Variants in C10orf67 observed in about 807,000 individuals in gnomAD.
C10orf67 encodes the protein uncharacterized protein C10orf67, mitochondrial.
C10orf67 carries 60 observed loss-of-function variants against 35.6 expected under a neutral mutation model. The ratio of observed to expected loss-of-function variants is 1.68; its 90% CI spans 1.37 to 2.09. C10orf67 has a LOEUF of 2.09. Ranked by LOEUF, C10orf67 falls within the 30% of genes most tolerant of loss-of-function variation. The probability of loss-of-function intolerance (pLI) is 0.00; values close to 1 mark genes in which losing one functional copy is unlikely to be tolerated. For missense variants in C10orf67, 474 were observed against 330.2 expected (o/e 1.44, Z -3.38); for synonymous variants, 167 against 115.8 (o/e 1.44, Z -2.84).
At chr10:23,269,155 T>A (rs778112807) in intron 8 of C10orf67, among the ~76,000 whole-genome samples, 9 of 152,238 alleles carry the variant, frequency 5.9e-5, no homozygotes, top group Non-Finnish European at 1.3e-4. Context: ...AATATATGAC[T>A]ATTTTGTCTT....
At chr10:23,285,147 A>G (rs1292008328) in intron 7 of C10orf67, among the ~76,000 whole-genome samples, 1 of 152,124 alleles carries the variant, frequency 6.6e-6, no homozygotes, top group East Asian at 1.9e-4. Flanking sequence ...GCCTGGGAGA[A>G]ACAGGAAGGA....
intron 8 of C10orf67, among the ~76,000 whole-genome samples, chr10:23,279,869 TAGAC>T (rs1173021711): frequency 3.3e-5 from 5 of 152,036 alleles, no homozygotes; most frequent in Admixed American, 6.6e-5. Flanking sequence ...TTTTTTTAAA[TAGAC>T]AGTGTCTTGC....
intron 4 of C10orf67, chr10:23,318,296 AT>A: frequency 6.6e-6 from 1 of 152,268 alleles, no homozygotes; most frequent in Non-Finnish European, 1.5e-5. Context: ...CTCCACTCAT[AT>A]TTTTGACTCC....
chr10:23,265,463 ACT>A (rs1842863523), intron 10 of C10orf67, among the ~76,000 whole-genome samples: 2 of 152,182 alleles, frequency 1.3e-5, no homozygotes, highest in South Asian at 2.1e-4. Context: ...CAGTGGAGAG[ACT>A]CTGTGTGAAG....
rs111309109 is a variant in C10orf67, at chr10:23,329,717, T to C, written c.327+3345A>G. ...CAGGAGGCTGAGGTGGGAGGACTGC[T>C]TGATTCCAGGAGTTCAAGGTCACAG... On this transcript the variant is annotated intron_variant, in intron 2 of 15. Coordinates refer to ENST00000636213, the MANE Select transcript of C10orf67 (RefSeq NM_001371909.1). Among the ~76,000 whole-genome samples the C allele has an allele frequency of 2.1e-3, 307 of 146,216 alleles. 1 individual carries two copies. The highest frequency in any genetic ancestry group is 7.3e-3 in the African/African-American group (286 of 39,310).
chr10:23,319,975 A>G (rs1170736481), intron 4 of C10orf67, among the ~76,000 whole-genome samples: 1 of 152,202 alleles, frequency 6.6e-6, no homozygotes, highest in Non-Finnish European at 1.5e-5. Flanking sequence ...TGTCTGCCAC[A>G]GGTACAGGTG....
intron 15 of C10orf67, among the ~76,000 whole-genome samples, chr10:23,207,521 C>A (rs578225071): frequency 6.6e-6 from 1 of 152,212 alleles, no homozygotes; most frequent in East Asian, 1.9e-4. Context: ...CAGCCTTTAA[C>A]GTCTCATCAA....
At chr10:23,339,402 C>CA (rs34805547) in intron 1 of C10orf67, among the ~76,000 whole-genome samples, 30,297 of 72,098 alleles carry the variant, frequency 0.42, 5,240 homozygotes, top group East Asian at 0.76. Context: ...AAAAAGGCAG[C>CA]AAAAAAAAAA....
chr10:23,332,954 G>A (rs952878262), intron 2 of C10orf67, 108 bp downstream of exon 2: 21 of 1,117,322 alleles, frequency 1.9e-5, no homozygotes, highest in Non-Finnish European at 2.6e-5. Context: ...TGTCAAAGAT[G>A]CTAACATTTT....
chr10:23,305,018 A>C lies in C10orf67; in HGVS notation c.547-1559T>G, dbSNP rs549410350. Among the ~76,000 whole-genome samples the C allele has an allele frequency of 1.3e-4, 20 of 152,272 alleles. No homozygotes were observed. The East Asian group carries it at 3.9e-3, about 29-fold the overall frequency. On this transcript the variant is annotated intron_variant, in intron 4 of 15. Transcript: ENST00000636213. ...CTACTCAACTGCAATCCTGGAGGCAATCTTATCAGCTTAGGGACCCAAAAG... is the reference window on the plus strand; with the variant it reads ...CTACTCAACTGCAATCCTGGAGGCACTCTTATCAGCTTAGGGACCCAAAAG...
chr10:23,239,009 T>C (rs1842112174), intron 13 of C10orf67, among the ~76,000 whole-genome samples: 1 of 152,074 alleles, frequency 6.6e-6, no homozygotes, highest in African/African-American at 2.4e-5. Flanking sequence ...AGAAAGAAGA[T>C]GATTTTAGAT....
intron 10 of C10orf67, among the ~76,000 whole-genome samples, chr10:23,252,620 G>A (rs1465515735): frequency 6.6e-6 from 1 of 152,242 alleles, no homozygotes; most frequent in Non-Finnish European, 1.5e-5. Flanking sequence ...GACTTTTTGA[G>A]TGAGGACAGA....
intron 8 of C10orf67, among the ~76,000 whole-genome samples, chr10:23,281,090 T>C (rs1414198037): frequency 2.6e-5 from 4 of 152,204 alleles, no homozygotes; most frequent in East Asian, 1.9e-4. Flanking sequence ...TGTTAACACA[T>C]GGTTTTTGCG....
Position 23,239,736 on chromosome 10 carries a change from T to C in C10orf67, c.1427A>G (p.Asn476Ser). The C allele has an allele frequency of 1.5e-6, 1 of 658,142 alleles. No homozygotes were observed. The highest frequency in any genetic ancestry group is 2.9e-6 in the Non-Finnish European group (1 of 341,502). 40.8% of individuals were successfully genotyped at this position (658,142 alleles called of 1,614,324 possible). A position where few individuals can be genotyped will look rare whatever the true frequency, so the allele number is the denominator to read the frequency against. Residue 476 changes from asparagine to serine, a missense_variant, in exon 13 of 16, where the codon AAT (asparagine) becomes AGT (serine). Physicochemically the swap from Asn to Ser is conservative, Grantham distance 46 (BLOSUM62 1). Coordinates refer to ENST00000636213, the MANE Select transcript of C10orf67 (RefSeq NM_001371909.1). ...QFAVLADTSFNYIKVKPLLVQ... is the reference protein window; with the variant it reads ...QFAVLADTSFSYIKVKPLLVQ... ...AACATTACATGCACTTACAATATAA[T>C]TGAAGGATGTGTCAGCAAGCACTGC...
At chr10:23,206,188 A>G (rs1841154116) in intron 15 of C10orf67, among the ~76,000 whole-genome samples, 1 of 152,122 alleles carries the variant, frequency 6.6e-6, no homozygotes, top group African/African-American at 2.4e-5. Context: ...AATCAAACCA[A>G]TGGTTACCCC....
chr10:23,317,276 G>C (rs1844757596), intron 4 of C10orf67: 1 of 152,516 alleles, frequency 6.6e-6, no homozygotes. Flanking sequence ...TTCAAAATCA[G>C]AGTGGGTGCC....
intron 15 of C10orf67, among the ~76,000 whole-genome samples, chr10:23,212,401 A>T (rs1441682247): frequency 6.6e-6 from 1 of 152,208 alleles, no homozygotes; most frequent in Non-Finnish European, 1.5e-5. Flanking sequence ...TTTCAGCTGC[A>T]GAAACCCATC....
chr10:23,208,432 A>C (rs1463850396), intron 15 of C10orf67, among the ~76,000 whole-genome samples: 1 of 152,206 alleles, frequency 6.6e-6, no homozygotes, highest in Non-Finnish European at 1.5e-5. Flanking sequence ...AATTCTGAAG[A>C]GCAAGGTAGC....
chr10:23,303,045 G>A (rs1475192146), intron 5 of C10orf67, among the ~76,000 whole-genome samples: 1 of 152,112 alleles, frequency 6.6e-6, no homozygotes, highest in African/African-American at 2.4e-5. Flanking sequence ...GCAGTGGGAG[G>A]TAAGTTATTT....
Sources: gnomAD v4.1 joint callset for allele counts (sites outside exome capture counted in the v4.1 genomes callset) on GRCh38, gnomAD v4.1.1 for gene constraint, MANE v1.5 for transcripts, NCBI Gene and HGNC (gene_info 2026-07-23, HGNC 2026-07-21) for gene names.